CYSLTR1: variants seen among roughly 807,000 people sequenced by gnomAD.
The protein encoded by CYSLTR1 is G-protein coupled receptor HG55.
A neutral mutation model predicts 2.1 loss-of-function variants in CYSLTR1; 1 was observed. That is an observed-to-expected ratio of 0.48 (90% CI 0.17 to 2.28). CYSLTR1 has a LOEUF of 2.28. Ranked by LOEUF, CYSLTR1 falls within the 30% of genes most tolerant of loss-of-function variation. The pLI, the probability that CYSLTR1 is intolerant of heterozygous loss-of-function variation, is 0.26. For missense variants in CYSLTR1, 299 were observed against 250.1 expected (o/e 1.20, Z -1.32); for synonymous variants, 110 against 89.6 (o/e 1.23, Z -1.28).
chrX:78,272,945 C>A lies in CYSLTR1; in HGVS notation c.802G>T (p.Asp268Tyr). 1.7e-6 allele frequency: 2 copies of A among 1,210,968 alleles called. No homozygotes were observed. Among genetic ancestry groups the A allele is most frequent in the South Asian group, 3.5e-5 (2 of 56,939 alleles). ...HFLHNETKPC[D>Y]SVLRMQKSVV... Reference sequence around the variant, plus strand: ...GACTTCTGCATTCTAAGGACAGAATCACAGGGTTTAGTTTCATTGTGTAAA... The same window carrying A: ...GACTTCTGCATTCTAAGGACAGAATAACAGGGTTTAGTTTCATTGTGTAAA... Residue 268 changes from aspartate (D) to tyrosine (Y), a missense_variant, in exon 3 of 3, where the codon GAT (aspartate) becomes TAT (tyrosine). Asp to Tyr is a radical substitution (Grantham distance 160). Transcript: ENST00000373304.
intron 1 of CYSLTR1, among the ~76,000 whole-genome samples, chrX:78,285,370 C>G (rs200293120): frequency 1.2e-3 from 122 of 100,052 alleles, no homozygotes; most frequent in Non-Finnish European, 2.1e-3. Flanking sequence ...TGCAGTGAGC[C>G]GAGATCGCGC....
intron 1 of CYSLTR1, among the ~76,000 whole-genome samples, chrX:78,308,562 T>G (rs1044793558): frequency 3.6e-5 from 4 of 111,897 alleles, no homozygotes; most frequent in African/African-American, 1.3e-4. Flanking sequence ...TAAGATGTAC[T>G]AAGAAGAAAT....
chrX:78,312,274 C>A (rs1457183793), intron 1 of CYSLTR1, among the ~76,000 whole-genome samples: 1 of 111,070 alleles, frequency 9.0e-6, no homozygotes, highest in Non-Finnish European at 1.9e-5. Flanking sequence ...ACTGGCTAGC[C>A]ATATGCAAAA....
chrX:78,318,270 C>A (rs912685100), intron 1 of CYSLTR1, among the ~76,000 whole-genome samples: 3 of 112,037 alleles, frequency 2.7e-5, no homozygotes, highest in Non-Finnish European at 1.9e-5. Context: ...TTATTCTTAG[C>A]AAACTAATGC....
intron 1 of CYSLTR1, among the ~76,000 whole-genome samples, chrX:78,302,973 C>T (rs890178748): frequency 9.0e-6 from 1 of 111,378 alleles, no homozygotes; most frequent in African/African-American, 3.3e-5. Flanking sequence ...GTTTCTGGTC[C>T]CAGTTCAGCA....
At position 78,273,293 on chromosome X, in the gene CYSLTR1, T is replaced by A. The variant is rs763639239; in HGVS notation, c.454A>T (p.Ile152Phe). The A allele has an allele frequency of 9.5e-5, 115 of 1,208,069 alleles. No individual in the cohort carries two copies. Among genetic ancestry groups the A allele is most frequent in the Non-Finnish European group, 1.2e-4 (107 of 894,234 alleles). ...ATTAGAAATGGAGAACTGGTCAAAATCACAAAAATCCAAATACCTACACAC... is the reference window on the plus strand; with the variant it reads ...ATTAGAAATGGAGAACTGGTCAAAAACACAAAAATCCAAATACCTACACAC... ...FVCVGIWIFV[I>F]LTSSPFLMAK... The change falls in exon 3 of 3, where the codon ATT becomes TTT. Residue 152 changes from isoleucine to phenylalanine, a missense_variant. Physicochemically the swap from Ile to Phe is conservative, Grantham distance 21. Coordinates refer to ENST00000373304, the MANE Select transcript of CYSLTR1 (RefSeq NM_006639.4).
intron 1 of CYSLTR1, chrX:78,318,970 A>T (rs1015380101): frequency 4.6e-5 from 5 of 108,755 alleles, no homozygotes. Flanking sequence ...CCTCTTTCAC[A>T]CTTAAATAAT....
rs1193516957 is a variant in CYSLTR1 at position 78,287,185 on chromosome X, T to C, written c.-114-3645A>G. On this transcript the variant is annotated intron_variant, in intron 1 of 2. Transcript: ENST00000373304. ...GTGATAACATCCAATTTATCAACTTTTCTTTTATAGATTGTGATTTTGGTG... is the reference window on the plus strand; with the variant it reads ...GTGATAACATCCAATTTATCAACTTCTCTTTTATAGATTGTGATTTTGGTG... 5.3e-5 allele frequency among the ~76,000 whole-genome samples: 6 copies of C among 112,169 alleles called. No individual in the cohort carries two copies. In the East Asian group the frequency reaches 1.7e-3, roughly 31 times the overall value.
chrX:78,319,290 G>C (rs1841073516), intron 1 of CYSLTR1: 1 of 73,065 alleles, frequency 1.4e-5, no homozygotes. Flanking sequence ...ACAGGCCCCA[G>C]TGTGTGATAT....
chrX:78,276,017 A>G (rs1921574928), intron 2 of CYSLTR1, among the ~76,000 whole-genome samples: 1 of 112,516 alleles, frequency 8.9e-6, no homozygotes, highest in Admixed American at 9.4e-5. Context: ...AAGGCTCTGA[A>G]GAAATATGTA....
chrX:78,326,579 T>C (rs1308973186), intron 1 of CYSLTR1, among the ~76,000 whole-genome samples: 1 of 112,313 alleles, frequency 8.9e-6, no homozygotes, highest in Non-Finnish European at 1.9e-5. Flanking sequence ...TGTTCCTGGC[T>C]AAAGATTTTA....
intron 2 of CYSLTR1, among the ~76,000 whole-genome samples, chrX:78,276,548 G>A (rs969573009): frequency 2.7e-5 from 3 of 110,444 alleles, no homozygotes; most frequent in East Asian, 2.8e-4. Context: ...GTTTACTACC[G>A]CTCACAATTA....
At chrX:78,298,997 A>G (rs1922698094) in intron 1 of CYSLTR1, among the ~76,000 whole-genome samples, 1 of 109,809 alleles carries the variant, frequency 9.1e-6, no homozygotes, top group African/African-American at 3.3e-5. Context: ...TTTGCTGGTG[A>G]TATGATTGTT....
intron 2 of CYSLTR1, among the ~76,000 whole-genome samples, chrX:78,279,252 T>A (rs1463635361): frequency 2.7e-5 from 3 of 109,367 alleles, no homozygotes; most frequent in African/African-American, 1.0e-4. Flanking sequence ...GAAACTTAAA[T>A]CAACATGCAA....
chrX:78,291,036 G>A (rs1237108412), intron 1 of CYSLTR1, among the ~76,000 whole-genome samples: 2 of 111,857 alleles, frequency 1.8e-5, no homozygotes, highest in Non-Finnish European at 3.8e-5. Context: ...TCTTCAGCCA[G>A]TTTTCAAAAG....
chrX:78,280,680 C>A (rs1277020106), intron 2 of CYSLTR1, among the ~76,000 whole-genome samples: 4 of 111,093 alleles, frequency 3.6e-5, no homozygotes, highest in Admixed American at 9.6e-5. Flanking sequence ...ATTTCATCAC[C>A]TAGGTATTAA....
Position 78,274,328 on chromosome X carries a change from C to A in CYSLTR1, c.-27-555G>T, listed in dbSNP as rs779949430. On this transcript the variant is annotated intron_variant, in intron 2 of 2. Coordinates refer to ENST00000373304, the MANE Select transcript of CYSLTR1 (RefSeq NM_006639.4). ...GACTTCAAACTATACTACAAGGCTA[C>A]AGTAACCAAAACAGCATGGTACTGG... 8.1e-5 allele frequency among the ~76,000 whole-genome samples: 9 copies of A among 111,232 alleles called. No individual in the cohort carries two copies. In the South Asian group the frequency reaches 3.4e-3, roughly 42 times the overall value.
At chrX:78,302,490 C>CT (rs1922861434) in intron 1 of CYSLTR1, among the ~76,000 whole-genome samples, 1 of 111,767 alleles carries the variant, frequency 8.9e-6, no homozygotes, top group Non-Finnish European at 1.9e-5. Flanking sequence ...CAGATGGAGT[C>CT]TTGCCTCATA....
At chrX:78,294,503 T>C (rs1171573401) in intron 1 of CYSLTR1, among the ~76,000 whole-genome samples, 2 of 112,609 alleles carry the variant, frequency 1.8e-5, no homozygotes, top group Non-Finnish European at 3.8e-5. Flanking sequence ...GAACCCCTGC[T>C]TTCTTTGGAG....
Sources: allele counts gnomAD v4.1 joint callset (sites outside exome capture counted in the v4.1 genomes callset), GRCh38; gene constraint gnomAD v4.1.1; transcripts MANE v1.5; gene names NCBI Gene and HGNC (gene_info 2026-07-23, HGNC 2026-07-21).